Variants in GALNTL6 observed in about 807,000 individuals in gnomAD.
GALNTL6 encodes polypeptide N-acetylgalactosaminyltransferase-like 6.
In GALNTL6, 46 loss-of-function variants were observed where a neutral mutation model predicts 73.7. The observed-to-expected ratio is 0.62, with a 90% CI of 0.49 to 0.80. The LOEUF (loss-of-function observed/expected upper bound fraction) is 0.80, where lower values mean the gene tolerates loss of function less well. Ranked by LOEUF, GALNTL6 falls within the 30% of genes least tolerant of loss-of-function variation. GALNTL6 has a pLI of 0.00. For missense variants in GALNTL6, 604 were observed against 755.0 expected (o/e 0.80, Z 2.34); for synonymous variants, 259 against 263.7 (o/e 0.98, Z 0.17).
chr4:172,390,925 G>T (rs1743644604), intron 5 of GALNTL6, among the ~76,000 whole-genome samples: 1 of 152,038 alleles, frequency 6.6e-6, no homozygotes, highest in Non-Finnish European at 1.5e-5. Flanking sequence ...CATACAGTGA[G>T]TTAAGGCACT....
At chr4:172,264,359 A>G (rs1738360897) in intron 3 of GALNTL6, among the ~76,000 whole-genome samples, 1 of 150,826 alleles carries the variant, frequency 6.6e-6, no homozygotes, top group Non-Finnish European at 1.5e-5. Context: ...CCACCCTAAC[A>G]ATAACTACAG....
intron 2 of GALNTL6, among the ~76,000 whole-genome samples, chr4:171,901,114 G>A (rs1261114106): frequency 1.3e-5 from 2 of 152,148 alleles, no homozygotes; most frequent in African/African-American, 4.8e-5. Context: ...ACAAAGATTT[G>A]GAGTAGCAGT....
At chr4:172,464,816 T>G (rs1166516540) in intron 5 of GALNTL6, among the ~76,000 whole-genome samples, 2 of 152,134 alleles carry the variant, frequency 1.3e-5, no homozygotes, top group African/African-American at 4.8e-5. Flanking sequence ...CTGGAGAAAT[T>G]AATTCCAACT....
chr4:172,280,755 A>T (rs1739016361), intron 3 of GALNTL6, among the ~76,000 whole-genome samples: 2 of 152,092 alleles, frequency 1.3e-5, no homozygotes, highest in South Asian at 4.1e-4. Flanking sequence ...CCAACCATAA[A>T]CTGAAAACAA....
intron 10 of GALNTL6, among the ~76,000 whole-genome samples, chr4:172,962,757 G>A (rs560749978): frequency 1.7e-4 from 26 of 152,036 alleles, no homozygotes; most frequent in South Asian, 1.2e-3. Context: ...AAACAATGAC[G>A]TGCTTAGGCA....
chr4:171,815,137 T>A, intron 2 of GALNTL6: 1 of 228,022 alleles, frequency 4.4e-6, no homozygotes. Context: ...ATCATTAAGA[T>A]TGTGAAGTGG....
At chr4:172,344,064 G>A (rs937377415) in intron 4 of GALNTL6, among the ~76,000 whole-genome samples, 12 of 151,958 alleles carry the variant, frequency 7.9e-5, no homozygotes, top group African/African-American at 2.4e-4. Context: ...ATTTCAACAC[G>A]TTTTAGTTTG....
At chr4:172,237,579 G>A (rs932905082) in intron 3 of GALNTL6, among the ~76,000 whole-genome samples, 14 of 152,060 alleles carry the variant, frequency 9.2e-5, no homozygotes, top group Non-Finnish European at 1.3e-4. Flanking sequence ...CTGTGCAGAA[G>A]CTCTTTTGCT....
chr4:172,269,321 T>G (rs1209357513), intron 3 of GALNTL6, among the ~76,000 whole-genome samples: 2 of 152,154 alleles, frequency 1.3e-5, no homozygotes, highest in African/African-American at 4.8e-5. Context: ...TATGGCATCC[T>G]TAAAGGATAA....
intron 2 of GALNTL6, among the ~76,000 whole-genome samples, chr4:171,905,727 G>T (rs1173112317): frequency 1.3e-5 from 2 of 150,788 alleles, no homozygotes; most frequent in Non-Finnish European, 1.5e-5. Flanking sequence ...TTCCAAAATT[G>T]ACCACATACT....
chr4:172,926,215 CT>C (rs1280350921), intron 8 of GALNTL6, among the ~76,000 whole-genome samples: 7 of 152,240 alleles, frequency 4.6e-5, no homozygotes, highest in Admixed American at 2.0e-4. Context: ...TCTGGGGTCT[CT>C]TTTACTAGTT....
intron 4 of GALNTL6, among the ~76,000 whole-genome samples, chr4:172,315,356 C>T (rs189200219): frequency 4.6e-5 from 7 of 152,114 alleles, no homozygotes; most frequent in Non-Finnish European, 2.9e-5. Context: ...CTCTGCCTCC[C>T]GGGTTCAAGC....
At chr4:173,029,852 T>G (rs1326876377) in intron 12 of GALNTL6, among the ~76,000 whole-genome samples, 1 of 152,252 alleles carries the variant, frequency 6.6e-6, no homozygotes, top group African/African-American at 2.4e-5. Flanking sequence ...GCAATTGAAC[T>G]ATAATTTGTT....
At chr4:172,800,414 T>C (rs1451698141) in intron 5 of GALNTL6, among the ~76,000 whole-genome samples, 2 of 152,188 alleles carry the variant, frequency 1.3e-5, no homozygotes, top group Non-Finnish European at 2.9e-5. Context: ...CTACATTATG[T>C]GGTATATTCT....
At chr4:172,244,907 T>C (rs569029296) in intron 3 of GALNTL6, among the ~76,000 whole-genome samples, 1 of 152,322 alleles carries the variant, frequency 6.6e-6, no homozygotes, top group South Asian at 2.1e-4. Context: ...CTTTCATGTG[T>C]TAGTAGTTGT....
At chr4:171,980,930 G>A (rs1739878496) in intron 2 of GALNTL6, among the ~76,000 whole-genome samples, 1 of 152,200 alleles carries the variant, frequency 6.6e-6, no homozygotes, top group South Asian at 2.1e-4. Flanking sequence ...AGAATCTTTA[G>A]AATGGCCAAC....
At chr4:172,530,657 T>G (rs995007151) in intron 5 of GALNTL6, among the ~76,000 whole-genome samples, 6 of 152,206 alleles carry the variant, frequency 3.9e-5, no homozygotes, top group Admixed American at 1.3e-4. Context: ...CAGTAGTTCC[T>G]TGTGGTTGAT....
chr4:172,263,213 T>C (rs1738317480), intron 3 of GALNTL6, among the ~76,000 whole-genome samples: 1 of 151,540 alleles, frequency 6.6e-6, no homozygotes, highest in Non-Finnish European at 1.5e-5. Context: ...TCAAATAAGT[T>C]TTACAAACTT....
intron 2 of GALNTL6, among the ~76,000 whole-genome samples, chr4:172,214,302 T>A (rs1736422730): frequency 6.6e-6 from 1 of 152,178 alleles, no homozygotes; most frequent in South Asian, 2.1e-4. Flanking sequence ...ATATAAACAT[T>A]AGAATCAGTT....
Sources: allele counts gnomAD v4.1 joint callset (sites outside exome capture counted in the v4.1 genomes callset), GRCh38; gene constraint gnomAD v4.1.1; transcripts MANE v1.5; gene names NCBI Gene and HGNC (gene_info 2026-07-23, HGNC 2026-07-21).